The following LTF variants were observed in gnomAD, a reference collection of about 807,000 sequenced individuals.
LTF encodes the protein lactotransferrin.
A neutral mutation model predicts 87.2 loss-of-function variants in LTF; 91 were observed. That is an observed-to-expected ratio of 1.04 (90% CI 0.88 to 1.24). The LOEUF (loss-of-function observed/expected upper bound fraction) is 1.24. LTF is among the 50% of genes most tolerant of loss of function. The pLI is 0.00. For missense variants in LTF, 901 were observed against 904.3 expected (o/e 1.00, Z 0.05); for synonymous variants, 378 against 356.1 (o/e 1.06, Z -0.69).
chr3:46,476,307 G>A (rs1301304128), intron 1 of LTF, among the ~76,000 whole-genome samples: 1 of 152,182 alleles, frequency 6.6e-6, no homozygotes, highest in Non-Finnish European at 1.5e-5. Context: ...TCTATTTGCT[G>A]TTGGCTTTTT....
chr3:46,454,336 G>C lies in LTF; in HGVS notation c.672C>G (p.Asp224Glu), dbSNP rs112931478. The change falls in exon 6 of 17, where the codon GAC becomes GAG. Residue 224 changes from aspartate to glutamate, a missense_variant. Physicochemically the swap from Asp to Glu is conservative, Grantham distance 45. Coordinates refer to ENST00000231751, the MANE Select transcript of LTF (RefSeq NM_002343.6). ...CTGTGCTCTCTCTGATAAAAGCCAC[G>C]TCTCCAGCCCCGTCTCTCAGACACC... The part of the protein sequence containing the change: ...AFKCLRDGAG[D>E]VAFIRESTVF... 9 of 1,614,108 alleles carry C rather than the reference G, an allele frequency of 5.6e-6. No individual in the cohort carries two copies. The highest frequency in any genetic ancestry group is 1.3e-5 in the African/African-American group (1 of 75,032).
chr3:46,439,169 T>C, intron 15 of LTF, 127 bp downstream of exon 15: 1 of 880,648 alleles, frequency 1.1e-6, no homozygotes, highest in Non-Finnish European at 1.7e-6. Context: ...AAGCCAATAC[T>C]CTCACCATGA....
chr3:46,452,946 C>G (rs559414707), intron 6 of LTF, among the ~76,000 whole-genome samples: 51 of 152,304 alleles, frequency 3.3e-4, no homozygotes, highest in African/African-American at 1.2e-3. Context: ...TTTGAAATAT[C>G]TCAAAACTAC....
In LTF at chr3:46,482,613, A is replaced by G. The variant is rs974524036; in HGVS notation, c.-320+2373T>C. ...AAAGAGAGAGAAAGAAAGAAAGAAG[A>G]AAGAAAGAAAGAAAGAAAGAAAGAA... is the stretch of plus-strand genomic sequence containing the variant. On this transcript the variant is annotated intron_variant, in intron 1 of 19. Transcript: ENST00000443496. 8.3e-3 allele frequency among the ~76,000 whole-genome samples: 303 copies of G among 36,406 alleles called. 34 individuals are homozygous for G. Among genetic ancestry groups the G allele is most frequent in the Non-Finnish European group, 0.011 (208 of 18,246 alleles). The allele number at this position is 36,406 out of a possible 152,430, so 23.9% of individuals were successfully genotyped here. A position where few individuals can be genotyped will look rare whatever the true frequency, so the allele number is the denominator to read the frequency against.
intron 1 of LTF, among the ~76,000 whole-genome samples, chr3:46,482,451 T>G (rs895304222): frequency 1.5e-5 from 2 of 135,116 alleles, no homozygotes; most frequent in African/African-American, 5.7e-5. Flanking sequence ...GCCTGGACAT[T>G]AAAGTGAGAC....
intron 11 of LTF, 79 bp downstream of exon 11, chr3:46,446,361 T>G: frequency 8.1e-7 from 1 of 1,234,194 alleles, no homozygotes; most frequent in Non-Finnish European, 1.2e-6. Context: ...TCTTTCTGTT[T>G]TTTTTACAGT....
intron 5 of LTF, 144 bp downstream of exon 5, chr3:46,455,151 T>C (rs1289591709): frequency 2.0e-6 from 2 of 995,702 alleles, no homozygotes; most frequent in Non-Finnish European, 3.0e-6. Flanking sequence ...GCCTGCACTC[T>C]CTTTGGACAC....
chr3:46,455,532 G>C, intron 4 of LTF, 90 bp from the exon 5 acceptor site: 1 of 1,499,958 alleles, frequency 6.7e-7, no homozygotes. Flanking sequence ...CCGTGGGCAA[G>C]GCCCCTTCCT....
chr3:46,441,509 A>G lies in LTF; in HGVS notation c.1656-26T>C, dbSNP rs140107178. Reference sequence around the variant, plus strand: ...CTAAAATGTTCCAGAAAATATACACATAATTACAGAAGAGAAACTAGTGGG... The same window carrying G: ...CTAAAATGTTCCAGAAAATATACACGTAATTACAGAAGAGAAACTAGTGGG... On this transcript the variant is annotated intron_variant, in intron 13 of 16. Coordinates refer to ENST00000231751, the MANE Select transcript of LTF (RefSeq NM_002343.6). 1.8e-3 allele frequency: 2,810 copies of G among 1,556,912 alleles called. 89 individuals are homozygous for G. In the East Asian group the frequency reaches 0.055, roughly 31 times the overall value.
intron 14 of LTF, among the ~76,000 whole-genome samples, chr3:46,441,172 A>G (rs200305216): frequency 1.0e-5 from 1 of 97,044 alleles, no homozygotes; most frequent in Non-Finnish European, 2.3e-5. Flanking sequence ...TGTGTGTGAG[A>G]GTGAGTGTGT....
In LTF at chr3:46,454,352, C is replaced by G. The variant is rs374415989; in HGVS notation, c.656G>C (p.Arg219Thr). Residue 219 changes from arginine (R) to threonine (T), a missense_variant, in exon 6 of 17, where the codon AGA (arginine) becomes ACA (threonine). By Grantham distance (71) the Arg-to-Thr change is moderately conservative (BLOSUM62 -1). Coordinates refer to ENST00000231751, the MANE Select transcript of LTF (RefSeq NM_002343.6). ...FSYSGAFKCL[R>T]DGAGDVAFIR... is the part of the protein sequence containing the mutation. ...AAAAGCCACGTCTCCAGCCCCGTCT[C>G]TCAGACACCTGTGAAAAGAGAAACC... is the stretch of plus-strand genomic sequence containing the variant. The G allele has an allele frequency of 1.2e-6, 2 of 1,614,052 alleles. No homozygotes were observed. The highest frequency in any genetic ancestry group is 2.7e-5 in the African/African-American group (2 of 74,922).
At chr3:46,460,491 G>C (rs539094831) in intron 1 of LTF, 1 of 447,056 alleles carries the variant, frequency 2.2e-6, no homozygotes, top group East Asian at 7.1e-5. Flanking sequence ...CTCAAATACT[G>C]GTTCTTCTTT....
In LTF at chr3:46,443,476, G is replaced by T. The variant is rs143806293; in HGVS notation, c.1620C>A (p.Ser540Arg). 3.7e-6 allele frequency: 6 copies of T among 1,614,086 alleles called. No individual in the cohort carries two copies. The highest frequency in any genetic ancestry group is 5.1e-6 in the Non-Finnish European group (6 of 1,180,046). Residue 540 changes from serine to arginine, a missense_variant, in exon 13 of 17, where the codon AGC (serine) becomes AGA (arginine). Ser to Arg is a moderately radical substitution (Grantham distance 110). Transcript: ENST00000231751. ...EQGENKCVPN[S>R]NERYYGYTGA... ...CAGTGTAGCCGTAGTATCTCTCGTT[G>T]CTGTTGGGCACGCACTTATTCTCAC...
upstream of LTF, chr3:46,469,708 G>A (rs538464722): frequency 6.6e-6 from 1 of 152,390 alleles, no homozygotes; most frequent in African/African-American, 2.4e-5. Flanking sequence ...ATGACCTTGA[G>A]AGAAAGGCCC....
At chr3:46,461,609 G>A (rs1328075905) in intron 1 of LTF, among the ~76,000 whole-genome samples, 7 of 152,194 alleles carry the variant, frequency 4.6e-5, no homozygotes, top group Non-Finnish European at 1.0e-4. Flanking sequence ...AAATAGATTA[G>A]TGGTTGTCTG....
At chr3:46,440,545 G>A (rs1436136744) in intron 14 of LTF, among the ~76,000 whole-genome samples, 7 of 152,130 alleles carry the variant, frequency 4.6e-5, no homozygotes, top group African/African-American at 9.7e-5. Flanking sequence ...TCCGGCTCCC[G>A]TTTGTCTCTC....
At chr3:46,458,668 G>T (rs1191245489) in intron 2 of LTF, among the ~76,000 whole-genome samples, 1 of 152,116 alleles carries the variant, frequency 6.6e-6, no homozygotes, top group African/African-American at 2.4e-5. Flanking sequence ...TCCCCCTCCC[G>T]GGTTCAAGTG....
chr3:46,481,633 C>T (rs1703432928), intron 1 of LTF, among the ~76,000 whole-genome samples: 1 of 152,194 alleles, frequency 6.6e-6, no homozygotes, highest in African/African-American at 2.4e-5. Context: ...TGCCTGTAAT[C>T]ATAGCTACTC....
At chr3:46,465,168 C>A, upstream of LTF, 2 of 467,516 alleles carry the variant, frequency 4.3e-6, no homozygotes, top group South Asian at 4.7e-5. Context: ...GGAGTCGCAG[C>A]CCCCTGAGCC....
Sources: allele counts gnomAD v4.1 joint callset (sites outside exome capture counted in the v4.1 genomes callset), GRCh38; gene constraint gnomAD v4.1.1; transcripts MANE v1.5; gene names NCBI Gene and HGNC (gene_info 2026-07-23, HGNC 2026-07-21).